The following B3GNT2 variants were observed in gnomAD, a reference collection of about 807,000 sequenced individuals.
B3GNT2 encodes the protein N-acetyllactosaminide beta-1,3-N-acetylglucosaminyltransferase 2.
Under a neutral mutation model 27.6 loss-of-function variants are expected in B3GNT2, and 12 were observed. The ratio of observed to expected loss-of-function variants is 0.44; its 90% CI spans 0.28 to 0.71. The LOEUF is 0.71. Among genes scored for constraint, B3GNT2 ranks in the 30% least tolerant of loss-of-function variants. The pLI is 0.17. For missense variants in B3GNT2, 413 were observed against 488.5 expected (o/e 0.85, Z 1.46); for synonymous variants, 192 against 189.7 (o/e 1.01, Z -0.10).
intron 1 of B3GNT2, among the ~76,000 whole-genome samples, chr2:62,198,970 T>A (rs1417215790): frequency 1.3e-5 from 2 of 152,148 alleles, no homozygotes; most frequent in Non-Finnish European, 2.9e-5. Context: ...AAATGGAGTC[T>A]CACTCTCCCG....
intron 1 of B3GNT2, among the ~76,000 whole-genome samples, chr2:62,200,505 G>C (rs1479128860): frequency 6.6e-6 from 1 of 152,184 alleles, no homozygotes; most frequent in Non-Finnish European, 1.5e-5. Context: ...TTCTGTCCGA[G>C]TGCCATGTGG....
chr2:62,214,286 A>G (rs1351019899), intron 1 of B3GNT2, among the ~76,000 whole-genome samples: 1 of 152,154 alleles, frequency 6.6e-6, no homozygotes, highest in Non-Finnish European at 1.5e-5. Flanking sequence ...GAAATAAGAC[A>G]TATTTGGGAA....
At chr2:62,220,633 G>C (rs1269727757) in intron 1 of B3GNT2, among the ~76,000 whole-genome samples, 1 of 152,164 alleles carries the variant, frequency 6.6e-6, no homozygotes, top group Non-Finnish European at 1.5e-5. Flanking sequence ...CTTGGAATCT[G>C]TTTGCCTTGG....
chr2:62,208,802 G>A (rs976670342), intron 1 of B3GNT2, among the ~76,000 whole-genome samples: 1 of 152,136 alleles, frequency 6.6e-6, no homozygotes, highest in African/African-American at 2.4e-5. Context: ...TGAGTGGTAG[G>A]CACTAGAGAT....
chr2:62,199,507 C>G (rs1000855415), intron 1 of B3GNT2, among the ~76,000 whole-genome samples: 5 of 152,184 alleles, frequency 3.3e-5, no homozygotes, highest in Admixed American at 2.6e-4. Context: ...TAGGATAATA[C>G]TTGGTGATGT....
At chr2:62,213,040 G>C (rs1000065201) in intron 1 of B3GNT2, among the ~76,000 whole-genome samples, 4 of 152,160 alleles carry the variant, frequency 2.6e-5, no homozygotes, top group African/African-American at 9.7e-5. Flanking sequence ...TCTTAACCAA[G>C]GGCTTCCAAT....
chr2:62,219,763 A>G (rs959965896), intron 1 of B3GNT2, among the ~76,000 whole-genome samples: 1 of 152,220 alleles, frequency 6.6e-6, no homozygotes, highest in Admixed American at 6.5e-5. Context: ...TATTTGAGAA[A>G]TAACTGGAGT....
chr2:62,208,550 A>G (rs1279487768), intron 1 of B3GNT2, among the ~76,000 whole-genome samples: 1 of 152,132 alleles, frequency 6.6e-6, no homozygotes, highest in Non-Finnish European at 1.5e-5. Context: ...TAGAGGGGAA[A>G]GCTCGGGAAT....
chr2:62,215,385 G>C (rs911063032), intron 1 of B3GNT2: 1 of 152,262 alleles, frequency 6.6e-6, no homozygotes, highest in African/African-American at 2.4e-5. Context: ...TGAAAACCCA[G>C]GCCAGGCCTC....
chr2:62,201,081 C>T (rs937424086), intron 1 of B3GNT2, among the ~76,000 whole-genome samples: 3 of 152,090 alleles, frequency 2.0e-5, no homozygotes, highest in Non-Finnish European at 4.4e-5. Flanking sequence ...TTCCTCTTCC[C>T]CTTTTTATTT....
chr2:62,197,761 C>G (rs900175875), intron 1 of B3GNT2, among the ~76,000 whole-genome samples: 1 of 152,242 alleles, frequency 6.6e-6, no homozygotes, highest in Non-Finnish European at 1.5e-5. Flanking sequence ...CTGGCCGAGC[C>G]AGTCCCGGGG....
intron 1 of B3GNT2, among the ~76,000 whole-genome samples, chr2:62,217,416 G>A (rs567961087): frequency 6.6e-6 from 1 of 152,316 alleles, no homozygotes; most frequent in Admixed American, 6.5e-5. Context: ...TAAGCAGTGG[G>A]AATTTAGAGT....
chr2:62,205,088 C>A (rs759620358), intron 1 of B3GNT2, among the ~76,000 whole-genome samples: 3 of 152,174 alleles, frequency 2.0e-5, no homozygotes, highest in Non-Finnish European at 2.9e-5. Flanking sequence ...GATTGGAAGC[C>A]CGTGGCACTG....
chr2:62,209,488 A>C (rs1400319059), intron 1 of B3GNT2, among the ~76,000 whole-genome samples: 1 of 152,166 alleles, frequency 6.6e-6, no homozygotes, highest in African/African-American at 2.4e-5. Context: ...CAAGTAAAAG[A>C]ATGAGGTAAG....
rs750507904 is a variant in B3GNT2, at chr2:62,223,196, G to C, written c.976G>C (p.Val326Leu). ...ALRLYHITDQVHLYPIDDVYT... is the reference protein window; with the variant it reads ...ALRLYHITDQLHLYPIDDVYT... Reference sequence around the variant, plus strand: ...GAGGCTGTACCATATCACTGACCAGGTCCATCTCTACCCCATTGATGACGT... The same window carrying C: ...GAGGCTGTACCATATCACTGACCAGCTCCATCTCTACCCCATTGATGACGT... Residue 326 changes from valine to leucine, a missense_variant, in exon 2 of 2, where the codon GTC becomes CTC. Transcript: ENST00000301998. The C allele has an allele frequency of 1.2e-6, 2 of 1,614,142 alleles. No individual in the cohort carries two copies. Among genetic ancestry groups the C allele is most frequent in the Non-Finnish European group, 1.7e-6 (2 of 1,180,028 alleles).
At chr2:62,203,212 A>G (rs900985248) in intron 1 of B3GNT2, among the ~76,000 whole-genome samples, 2 of 152,148 alleles carry the variant, frequency 1.3e-5, no homozygotes, top group Admixed American at 1.3e-4. Context: ...CAGGGCAGGG[A>G]TAGTACAAGA....
intron 1 of B3GNT2, among the ~76,000 whole-genome samples, chr2:62,221,164 C>A (rs1386612315): frequency 6.6e-6 from 1 of 152,186 alleles, no homozygotes; most frequent in Non-Finnish European, 1.5e-5. Context: ...TTTGCCTGTT[C>A]TTGAAGTTAA....
chr2:62,207,341 T>A (rs780448876), intron 1 of B3GNT2, among the ~76,000 whole-genome samples: 2 of 152,138 alleles, frequency 1.3e-5, no homozygotes, highest in Non-Finnish European at 2.9e-5. Flanking sequence ...CAGGCCACCA[T>A]GCCCAGCTAA....
chr2:62,196,463 T>G (rs1674144276), intron 1 of B3GNT2, 108 bp downstream of exon 1: 2 of 152,742 alleles, frequency 1.3e-5, no homozygotes, highest in South Asian at 4.1e-4. Flanking sequence ...GGCCCCACCT[T>G]CCGGACACCC....
Sources: gnomAD v4.1 joint callset for allele counts (sites outside exome capture counted in the v4.1 genomes callset) on GRCh38, gnomAD v4.1.1 for gene constraint, MANE v1.5 for transcripts, NCBI Gene and HGNC (gene_info 2026-07-23, HGNC 2026-07-21) for gene names.